Variants in ZNF445 observed in about 807,000 individuals in gnomAD.
ZNF445 encodes zinc finger protein 445.
Under a neutral mutation model 93.9 loss-of-function variants are expected in ZNF445, and 19 were observed. That is an observed-to-expected ratio of 0.20 (90% CI 0.14 to 0.30). The LOEUF (loss-of-function observed/expected upper bound fraction) is 0.30, where lower values mean the gene tolerates loss of function less well. ZNF445 is among the 10% of genes least tolerant of loss of function. The probability of loss-of-function intolerance (pLI) is 1.00; values close to 1 mark genes in which losing one functional copy is unlikely to be tolerated. For missense variants in ZNF445, 1,058 were observed against 1,259.4 expected, an observed-to-expected ratio of 0.84 and a Z score of 2.42; for synonymous variants, 449 against 446.3, an observed-to-expected ratio of 1.01 and a Z score of -0.08.
At chr3:44,472,894 G>C (rs1374965918) in intron 1 of ZNF445, among the ~76,000 whole-genome samples, 1 of 152,174 alleles carries the variant, frequency 6.6e-6, no homozygotes, top group Admixed American at 6.5e-5. Context: ...TCTCCCCCCA[G>C]AGCTTTATAC....
rs945097002 is a variant in ZNF445, at chr3:44,438,064, C to T, written c.*8511G>A. 1.1e-4 allele frequency: 17 copies of T among 152,170 alleles called. No individual in the cohort carries two copies. Among genetic ancestry groups the T allele is most frequent in the Non-Finnish European group, 1.6e-4 (11 of 68,018 alleles). The allele number at this position is 152,170 out of a possible 1,614,324, so 9.4% of individuals were successfully genotyped here. On this transcript the variant is annotated 3_prime_UTR_variant, in exon 8 of 8. Coordinates refer to ENST00000396077, the MANE Select transcript of ZNF445 (RefSeq NM_181489.6). ...GTTGCTCTCGTTCCAATGCTTCTGACGCTATCTCTACAGATTCCCCAGGTT... is the reference window on the plus strand; with the variant it reads ...GTTGCTCTCGTTCCAATGCTTCTGATGCTATCTCTACAGATTCCCCAGGTT...
intron 2 of ZNF445, among the ~76,000 whole-genome samples, chr3:44,457,992 G>A (rs1285699158): frequency 8.0e-5 from 9 of 112,684 alleles, no homozygotes; most frequent in African/African-American, 2.1e-4. Context: ...CAGCCTGGGC[G>A]ACAGAATAAG....
rs114612872 is a variant in ZNF445 at position 44,462,827 on chromosome 3, T to C, written c.-268-4463A>G. ...AGCCAAAAATATTGGCCACTTGGTATGGCTAAAGTTGGGTAATAAAAAAAT... is the reference window on the plus strand; with the variant it reads ...AGCCAAAAATATTGGCCACTTGGTACGGCTAAAGTTGGGTAATAAAAAAAT... On this transcript the variant is annotated intron_variant, in intron 1 of 7. Transcript: ENST00000396077. 5.4e-3 allele frequency among the ~76,000 whole-genome samples: 816 copies of C among 152,328 alleles called. 5 individuals are homozygous for C. Among genetic ancestry groups the C allele is most frequent in the African/African-American group, 0.019 (791 of 41,562 alleles).
chr3:44,437,856 G>C lies in ZNF445; in HGVS notation c.*8719C>G, dbSNP rs1559386048. The C allele has an allele frequency of 6.6e-6, 1 of 152,128 alleles. No individual in the cohort carries two copies. Among genetic ancestry groups the C allele is most frequent in the Non-Finnish European group, 1.5e-5 (1 of 68,034 alleles). 9.4% of individuals were successfully genotyped at this position (152,128 alleles called of 1,614,324 possible). A position where few individuals can be genotyped will look rare whatever the true frequency, so the allele number is the denominator to read the frequency against. On this transcript the variant is annotated 3_prime_UTR_variant, in exon 8 of 8. Coordinates refer to ENST00000396077, the MANE Select transcript of ZNF445 (RefSeq NM_181489.6). Reference sequence around the variant, plus strand: ...ACGTTTCTGCACTATAGTCCCTTCTGTGGTCACCAGAAATATGTTACAGGA... The same window carrying C: ...ACGTTTCTGCACTATAGTCCCTTCTCTGGTCACCAGAAATATGTTACAGGA...
intron 1 of ZNF445, among the ~76,000 whole-genome samples, chr3:44,475,860 G>T (rs1283339447): frequency 6.6e-6 from 1 of 152,050 alleles, no homozygotes; most frequent in Non-Finnish European, 1.5e-5. Flanking sequence ...TTAGCTGGGC[G>T]TGGTGGCACA....
In ZNF445 at chr3:44,438,011, C is replaced by G. The variant is rs1472145849; in HGVS notation, c.*8564G>C. 6.5e-6 allele frequency: 1 copy of G among 152,862 alleles called. No homozygotes were observed. Among genetic ancestry groups the G allele is most frequent in the African/African-American group, 2.4e-5 (1 of 41,418 alleles). The allele number at this position is 152,862 out of a possible 1,614,324, so 9.5% of individuals were successfully genotyped here. A position where few individuals can be genotyped will look rare whatever the true frequency, so the allele number is the denominator to read the frequency against. On this transcript the variant is annotated 3_prime_UTR_variant, in exon 8 of 8. Coordinates refer to ENST00000396077, the MANE Select transcript of ZNF445 (RefSeq NM_181489.6). ...CGCTCTGGTTCAAATACCTCTGACA[C>G]TTTTACCCAGCCCCTATTCAACATG...
At chr3:44,455,933 A>G (rs897060802) in intron 2 of ZNF445, among the ~76,000 whole-genome samples, 3 of 152,230 alleles carry the variant, frequency 2.0e-5, no homozygotes, top group African/African-American at 7.2e-5. Context: ...GATGATGAAA[A>G]AAGTCAGAGA....
At chr3:44,474,650 G>A (rs1423747125) in intron 1 of ZNF445, among the ~76,000 whole-genome samples, 2 of 152,212 alleles carry the variant, frequency 1.3e-5, no homozygotes, top group African/African-American at 4.8e-5. Context: ...AGGAATTCTA[G>A]ATTGGAGCCT....
At chr3:44,451,059 C>T in intron 4 of ZNF445, 97 bp from the exon 5 acceptor site, 1 of 1,115,328 alleles carries the variant, frequency 9.0e-7, no homozygotes. Context: ...GACCCATGAG[C>T]AGGTACATAA....
Position 44,450,438 on chromosome 3 carries a change from A to G in ZNF445, c.820+9T>C, listed in dbSNP as rs1697941550. 1.2e-6 allele frequency: 2 copies of G among 1,614,116 alleles called. No individual in the cohort carries two copies. The highest frequency in any genetic ancestry group is 4.5e-5 in the East Asian group (2 of 44,882). ...GATGGATAGAAGCATGAGGATATCG[A>G]TTACTTACCCAGGGAAGCCATGTTC... On this transcript the variant is annotated intron_variant, in intron 6 of 7. Transcript: ENST00000396077.
At position 44,449,550 on chromosome 3, in the gene ZNF445, TG is replaced by T; in HGVS notation, c.893del (p.Ala298GlufsTer26). 6.2e-7 allele frequency: 1 copy of T among 1,614,186 alleles called. No homozygotes were observed. Among genetic ancestry groups the T allele is most frequent in the Non-Finnish European group, 8.5e-7 (1 of 1,180,022 alleles). ...CAACTGGATTCCCCTTAGGCTGAGC[TG>T]CCTGCATGTTCAGGCCCCATGGCTC... ...AREPWGLNMQAAQPKGNPVAA... is the reference protein window; with the variant it reads ...AREPWGLNMQXAQPKGNPVAA... On this transcript the variant is annotated frameshift_variant, in exon 7 of 8. Coordinates refer to ENST00000396077, the MANE Select transcript of ZNF445 (RefSeq NM_181489.6). LOFTEE classifies it high-confidence loss of function.
Position 44,434,911 on chromosome 3 carries a change from G to A in ZNF445, c.*11664C>T, listed in dbSNP as rs910779814. ...TTGAACACTGTAACTCAACTTTTAC[G>A]TGCTACCTTATAGATAACATTTATA... is the stretch of plus-strand genomic sequence containing the variant. On this transcript the variant is annotated 3_prime_UTR_variant, in exon 8 of 8. Coordinates refer to ENST00000396077, the MANE Select transcript of ZNF445 (RefSeq NM_181489.6). 2 of 152,120 alleles carry A rather than the reference G, an allele frequency of 1.3e-5. No individual in the cohort carries two copies. The highest frequency in any genetic ancestry group is 1.3e-4 in the Admixed American group (2 of 15,264). 9.4% of individuals were successfully genotyped at this position (152,120 alleles called of 1,614,324 possible). A position where few individuals can be genotyped will look rare whatever the true frequency, so the allele number is the denominator to read the frequency against.
intron 1 of ZNF445, among the ~76,000 whole-genome samples, chr3:44,463,378 A>C (rs1698146597): frequency 1.3e-5 from 2 of 152,062 alleles, no homozygotes; most frequent in Non-Finnish European, 2.9e-5. Context: ...CCCTAAGATA[A>C]CTTCTGGTAG....
At chr3:44,464,546 T>A (rs2125683751) in intron 1 of ZNF445, among the ~76,000 whole-genome samples, 1 of 152,334 alleles carries the variant, frequency 6.6e-6, no homozygotes, top group East Asian at 1.9e-4. Context: ...TAGAAGACAG[T>A]TTTAAAGACT....
At chr3:44,467,128 G>A (rs576282462) in intron 1 of ZNF445, among the ~76,000 whole-genome samples, 1 of 152,302 alleles carries the variant, frequency 6.6e-6, no homozygotes, top group South Asian at 2.1e-4. Context: ...AAGCTAATGT[G>A]TTAAACATTG....
rs2125677273 is a variant in ZNF445 at position 44,444,002 on chromosome 3, A to G, written c.*2573T>C. On this transcript the variant is annotated 3_prime_UTR_variant, in exon 8 of 8. Transcript: ENST00000396077. ...TTGTCTCTACAAAAAAATATAAAAA[A>G]TTAGCTGGCAGGGTGGCACACACCT... 1 of 152,092 alleles carries G rather than the reference A, an allele frequency of 6.6e-6. No individual in the cohort carries two copies. The highest frequency in any genetic ancestry group is 1.9e-4 in the East Asian group (1 of 5,136). The allele number at this position is 152,092 out of a possible 1,614,324, so 9.4% of individuals were successfully genotyped here.
chr3:44,461,539 G>A (rs1575314337), intron 1 of ZNF445, among the ~76,000 whole-genome samples: 1 of 152,158 alleles, frequency 6.6e-6, no homozygotes, highest in African/African-American at 2.4e-5. Context: ...CTCTAAAGAA[G>A]ACTCAACGCT....
chr3:44,454,831 A>C, intron 3 of ZNF445: 1 of 425,168 alleles, frequency 2.4e-6, no homozygotes, highest in Non-Finnish European at 4.3e-6. Flanking sequence ...AGCCTCCTAA[A>C]GTGCTGGGAT....
intron 7 of ZNF445, 143 bp downstream of exon 7, chr3:44,449,370 G>C (rs996261084): frequency 1.3e-5 from 9 of 667,554 alleles, no homozygotes; most frequent in South Asian, 9.1e-5. Flanking sequence ...AAGAGACCCA[G>C]TGGCCCAAGC....
Sources: allele counts gnomAD v4.1 joint callset (sites outside exome capture counted in the v4.1 genomes callset), GRCh38; gene constraint gnomAD v4.1.1; transcripts MANE v1.5; gene names NCBI Gene and HGNC (gene_info 2026-07-23, HGNC 2026-07-21).